The following CDH22 variants were observed in gnomAD, a reference collection of about 807,000 sequenced individuals.
CDH22 encodes the protein cadherin 22.
A neutral mutation model predicts 58.4 loss-of-function variants in CDH22; 30 were observed. The observed-to-expected ratio is 0.51, with a 90% CI of 0.38 to 0.70. The LOEUF is 0.70. Among genes scored for constraint, CDH22 ranks in the 30% least tolerant of loss-of-function variants. CDH22 has a pLI of 0.00. For synonymous variants in CDH22, 513 were observed against 558.2 expected, an observed-to-expected ratio of 0.92 and a Z score of 1.14; for missense variants, 1,014 against 1,233.9, an observed-to-expected ratio of 0.82 and a Z score of 2.67.
At position 46,241,252 on chromosome 20, in the gene CDH22, G is replaced by A; in HGVS notation, c.261C>T (p.His87=). Residue 87 remains histidine, a synonymous_variant, in exon 3 of 12, where the codon CAC becomes CAT. Coordinates refer to ENST00000537909, the MANE Select transcript of CDH22 (RefSeq NM_021248.3). The surrounding 1 kb of genome is among the most constrained non-coding windows in gnomAD (Gnocchi z 5.2). ...GTEPLYVGKI[H]SDSDEGDGAI... ...CCCCGTCACCCTCGTCTGAGTCGGA[G>A]TGGATCTGGGTAGGCAGAGAAGAAG... 1 of 1,596,680 alleles carries A rather than the reference G, an allele frequency of 6.3e-7. No homozygotes were observed. Among genetic ancestry groups the A allele is most frequent in the Non-Finnish European group, 8.6e-7 (1 of 1,168,500 alleles).
At chr20:46,219,118 G>A (rs975762337) in intron 4 of CDH22, among the ~76,000 whole-genome samples, 2 of 152,166 alleles carry the variant, frequency 1.3e-5, no homozygotes, top group African/African-American at 4.8e-5. Context: ...GTAGCCAGAG[G>A]TGGGGCACCT....
chr20:46,216,924 G>T lies in CDH22; in HGVS notation c.740C>A (p.Ala247Asp). The T allele has an allele frequency of 1.2e-6, 2 of 1,610,748 alleles. No individual in the cohort carries two copies. The highest frequency in any genetic ancestry group is 1.7e-6 in the Non-Finnish European group (2 of 1,177,332). The change falls in exon 5 of 12, where the codon GCC becomes GAC. Residue 247 changes from alanine to aspartate, a missense_variant. By Grantham distance (126) the Ala-to-Asp change is moderately radical. Around this residue, in one of 2 missense-constraint regions of CDH22, gnomAD observed 806 missense variants for 1,038.7 expected, o/e 0.78. Coordinates refer to ENST00000537909, the MANE Select transcript of CDH22 (RefSeq NM_021248.3). The surrounding 1 kb of genome is among the most constrained non-coding windows in gnomAD (Gnocchi z 5.3). ...ACCCAGCTGACCCGCCATGTCTGTG[G>T]CCTGGATCACCACCTCGTAGCGCTC... ...SQERYEVVIQ[A>D]TDMAGQLGGL...
At chr20:46,221,726 G>A (rs1395092584) in intron 4 of CDH22, among the ~76,000 whole-genome samples, 2 of 152,152 alleles carry the variant, frequency 1.3e-5, no homozygotes, top group Non-Finnish European at 2.9e-5. Flanking sequence ...AGGGCGGGGA[G>A]GAATTGATAA....
intron 7 of CDH22, among the ~76,000 whole-genome samples, chr20:46,201,017 C>T (rs900723380): frequency 3.3e-5 from 5 of 152,216 alleles, no homozygotes; most frequent in Non-Finnish European, 5.9e-5. Context: ...TTTGTTCCGC[C>T]TTCTTCCCGG....
intron 7 of CDH22, among the ~76,000 whole-genome samples, chr20:46,204,496 T>G (rs1045746218): frequency 2.0e-5 from 3 of 151,952 alleles, no homozygotes; most frequent in African/African-American, 7.3e-5. Context: ...AAGAAATCCT[T>G]AAGATGGTTC....
intron 1 of CDH22, among the ~76,000 whole-genome samples, chr20:46,255,966 G>A (rs552949372): frequency 2.0e-5 from 3 of 152,238 alleles, no homozygotes; most frequent in Admixed American, 2.0e-4. Context: ...CCCAGGCCTG[G>A]CTCAATAAAT....
At chr20:46,299,394 T>C (rs1708436374) in intron 1 of CDH22, among the ~76,000 whole-genome samples, 1 of 152,196 alleles carries the variant, frequency 6.6e-6, no homozygotes, top group Admixed American at 6.5e-5. Flanking sequence ...CTCAAGAGCA[T>C]TTATGGAGCA....
chr20:46,199,958 G>C (rs1425295680), intron 7 of CDH22, among the ~76,000 whole-genome samples: 7 of 82,572 alleles, frequency 8.5e-5, no homozygotes, highest in South Asian at 4.2e-4. Context: ...TTTCTTTTTT[G>C]TTTATTTATT....
chr20:46,226,926 G>C (rs557474108), intron 4 of CDH22, among the ~76,000 whole-genome samples: 1 of 152,200 alleles, frequency 6.6e-6, no homozygotes, highest in African/African-American at 2.4e-5. Flanking sequence ...GTCACCGTGA[G>C]TGAAGTGGGG....
chr20:46,198,828 G>A (rs1206662375), intron 8 of CDH22, among the ~76,000 whole-genome samples: 1 of 152,120 alleles, frequency 6.6e-6, no homozygotes, highest in East Asian at 1.9e-4. Context: ...TCCTGCAGAT[G>A]TCAGCATGAC....
intron 9 of CDH22, 56 bp from the exon 10 acceptor site, chr20:46,186,761 C>T (rs1349384693): frequency 1.5e-5 from 24 of 1,601,314 alleles, no homozygotes; most frequent in Admixed American, 6.7e-5. Flanking sequence ...CACTCTGGGT[C>T]GAGGTAGAGG....
At chr20:46,282,986 T>A (rs1401958223) in intron 1 of CDH22, among the ~76,000 whole-genome samples, 12 of 152,244 alleles carry the variant, frequency 7.9e-5, no homozygotes, top group African/African-American at 2.6e-4. Flanking sequence ...GAGACCCAGG[T>A]TCATGGCCCA....
intron 1 of CDH22, among the ~76,000 whole-genome samples, chr20:46,262,453 A>G (rs1759954533): frequency 6.6e-6 from 1 of 152,082 alleles, no homozygotes; most frequent in Non-Finnish European, 1.5e-5. Context: ...ACAGGTCTTC[A>G]TGAAGCCTGG....
At chr20:46,232,592 C>T (rs2086227044) in intron 3 of CDH22, among the ~76,000 whole-genome samples, 1 of 152,218 alleles carries the variant, frequency 6.6e-6, no homozygotes, top group South Asian at 2.1e-4. Flanking sequence ...TCTGGGGAAA[C>T]CCTAGGCTCA....
intron 3 of CDH22, among the ~76,000 whole-genome samples, chr20:46,227,967 G>A (rs964418277): frequency 2.7e-5 from 4 of 150,080 alleles, no homozygotes; most frequent in African/African-American, 7.6e-5. Flanking sequence ...TGGTTCACTA[G>A]GTTGAGGGGA....
At chr20:46,236,692 T>C (rs1276816602) in intron 3 of CDH22, among the ~76,000 whole-genome samples, 1 of 144,104 alleles carries the variant, frequency 6.9e-6, no homozygotes, top group East Asian at 2.0e-4. Flanking sequence ...TATATATACA[T>C]AGAGAGAGAG....
intron 1 of CDH22, among the ~76,000 whole-genome samples, chr20:46,283,265 C>T (rs958320148): frequency 6.6e-6 from 1 of 152,158 alleles, no homozygotes; most frequent in African/African-American, 2.4e-5. Flanking sequence ...ATTCTGGGAG[C>T]AGGGGGAGGT....
chr20:46,188,070 G>T (rs1265284896), intron 8 of CDH22, among the ~76,000 whole-genome samples: 1 of 152,136 alleles, frequency 6.6e-6, no homozygotes, highest in East Asian at 1.9e-4. Flanking sequence ...TTATCTCTGG[G>T]CTACCAGCAT....
At chr20:46,224,437 T>C (rs2086156708) in intron 4 of CDH22, among the ~76,000 whole-genome samples, 1 of 152,214 alleles carries the variant, frequency 6.6e-6, no homozygotes, top group African/African-American at 2.4e-5. Flanking sequence ...CTCTCCCCTG[T>C]GCACATGGGG....
Sources: gnomAD v4.1 joint callset for allele counts (sites outside exome capture counted in the v4.1 genomes callset) on GRCh38, gnomAD v4.1.1 for gene constraint, gnomAD v4.1.1 regional missense constraint, Gnocchi (gnomAD v3.1) non-coding constraint, MANE v1.5 for transcripts, NCBI Gene and HGNC (gene_info 2026-07-23, HGNC 2026-07-21) for gene names.